Variants in NFIB observed in about 807,000 individuals in gnomAD.
NFIB encodes the protein nuclear factor 1 B-type.
In NFIB, 11 loss-of-function variants were observed where a neutral mutation model predicts 61.5. The ratio of observed to expected loss-of-function variants is 0.18; its 90% CI spans 0.11 to 0.30. The LOEUF (loss-of-function observed/expected upper bound fraction) is 0.30, where lower values mean the gene tolerates loss of function less well. Ranked by LOEUF, NFIB falls within the 10% of genes least tolerant of loss-of-function variation. The probability of loss-of-function intolerance (pLI) is 1.00; values close to 1 mark genes in which losing one functional copy is unlikely to be tolerated. For synonymous variants in NFIB, 260 were observed against 216.5 expected, an observed-to-expected ratio of 1.20 and a Z score of -1.76; for missense variants, 471 against 608.9, an observed-to-expected ratio of 0.77 and a Z score of 2.38.
intron 1 of NFIB, among the ~76,000 whole-genome samples, chr9:14,367,344 G>A (rs1354818972): frequency 6.6e-6 from 1 of 152,008 alleles, no homozygotes; most frequent in Non-Finnish European, 1.5e-5. Context: ...CAGATGAGAT[G>A]TCTCTTGAGC....
chr9:14,465,684 C>G, the NFIB span, among the ~76,000 whole-genome samples: 1 of 152,012 alleles, frequency 6.6e-6, no homozygotes, highest in Non-Finnish European at 1.5e-5. Context: ...CCAAGGTTCT[C>G]TGGTCCTGGG....
chr9:14,299,146 A>G (rs2059613205), intron 2 of NFIB, among the ~76,000 whole-genome samples: 1 of 152,264 alleles, frequency 6.6e-6, no homozygotes, highest in Admixed American at 6.5e-5. Context: ...CATGAATTAC[A>G]GAATATACCC....
At chr9:14,237,681 A>G (rs1196737448) in intron 2 of NFIB, among the ~76,000 whole-genome samples, 4 of 152,086 alleles carry the variant, frequency 2.6e-5, no homozygotes. Flanking sequence ...GGTCAGCAAC[A>G]TCTCTTGCCG....
At chr9:14,185,195 A>G (rs934143612) in intron 2 of NFIB, among the ~76,000 whole-genome samples, 3 of 152,322 alleles carry the variant, frequency 2.0e-5, no homozygotes, top group South Asian at 4.1e-4. Flanking sequence ...TCTTCCTAGG[A>G]AAGGTGGGCA....
At chr9:14,174,427 G>A (rs952260851) in intron 3 of NFIB, among the ~76,000 whole-genome samples, 1 of 152,036 alleles carries the variant, frequency 6.6e-6, no homozygotes, top group Non-Finnish European at 1.5e-5. Context: ...TGATCCTAAT[G>A]GACACAATAA....
At chr9:14,450,743 A>C in the NFIB span, among the ~76,000 whole-genome samples, 2 of 125,412 alleles carry the variant, frequency 1.6e-5, no homozygotes, top group South Asian at 3.1e-4. Context: ...CTTTTCTTTT[A>C]TAAGTGGCAA....
chr9:14,134,015 T>C (rs1010748459), intron 6 of NFIB, among the ~76,000 whole-genome samples: 3 of 152,190 alleles, frequency 2.0e-5, no homozygotes, highest in African/African-American at 7.2e-5. Flanking sequence ...CTCCATTTTC[T>C]TCACAAATGG....
At chr9:14,528,385 CAAAT>C in the NFIB span, among the ~76,000 whole-genome samples, 31 of 152,050 alleles carry the variant, frequency 2.0e-4, no homozygotes, top group South Asian at 2.1e-4. Context: ...TCTTTCAAGA[CAAAT>C]AAAAAGCACA....
chr9:14,131,949 A>C (rs1377333326), intron 6 of NFIB, among the ~76,000 whole-genome samples: 1 of 152,188 alleles, frequency 6.6e-6, no homozygotes, highest in African/African-American at 2.4e-5. Flanking sequence ...ATAGTAGAGC[A>C]ATATGTTAGC....
At chr9:14,311,677 G>A (rs899668056) in intron 1 of NFIB, among the ~76,000 whole-genome samples, 1 of 152,140 alleles carries the variant, frequency 6.6e-6, no homozygotes, top group African/African-American at 2.4e-5. Context: ...GATAAAACTA[G>A]TGACTTTTCA....
chr9:14,144,865 T>C (rs929394550), intron 6 of NFIB, among the ~76,000 whole-genome samples: 5 of 152,108 alleles, frequency 3.3e-5, no homozygotes, highest in Non-Finnish European at 7.4e-5. Context: ...GTCCCGGTTG[T>C]TGAATTCGCA....
intron 2 of NFIB, among the ~76,000 whole-genome samples, chr9:14,208,166 C>T (rs1354529044): frequency 2.0e-5 from 3 of 151,974 alleles, no homozygotes; most frequent in Admixed American, 2.0e-4. Context: ...TTTTAATGAC[C>T]TCAGGGTAGG....
chr9:14,296,189 T>A (rs1303301126), intron 2 of NFIB, among the ~76,000 whole-genome samples: 1 of 152,254 alleles, frequency 6.6e-6, no homozygotes, highest in East Asian at 1.9e-4. Context: ...TCCCTGGCAG[T>A]CTACATTATG....
At chr9:14,289,122 G>T (rs867196221) in intron 2 of NFIB, among the ~76,000 whole-genome samples, 1 of 139,912 alleles carries the variant, frequency 7.1e-6, no homozygotes, top group Non-Finnish European at 1.5e-5. Flanking sequence ...GTGTGTATAT[G>T]TATATATATA....
the NFIB span, among the ~76,000 whole-genome samples, chr9:14,486,388 G>A: frequency 4.6e-5 from 7 of 152,274 alleles, no homozygotes; most frequent in South Asian, 2.1e-4. Flanking sequence ...AGGAGGATTC[G>A]TTGTCAAGGA....
At chr9:14,316,881 T>A (rs2060555604), upstream of NFIB, among the ~76,000 whole-genome samples, 2 of 152,186 alleles carry the variant, frequency 1.3e-5, no homozygotes, top group Middle Eastern at 3.4e-3. Context: ...TAAAAGACAT[T>A]CCCCTTGGCA....
chr9:14,245,781 G>C (rs773873836), intron 2 of NFIB, among the ~76,000 whole-genome samples: 1 of 152,094 alleles, frequency 6.6e-6, no homozygotes, highest in Non-Finnish European at 1.5e-5. Context: ...GCTGAGGCAC[G>C]AGAATCGCTT....
intron 2 of NFIB, among the ~76,000 whole-genome samples, chr9:14,182,080 C>T (rs1028212669): frequency 1.3e-5 from 2 of 152,222 alleles, no homozygotes; most frequent in Admixed American, 6.5e-5. Context: ...GTTACCACAA[C>T]ATCCCACTTG....
chr9:14,398,869 A>C, exon 1 of NFIB: 3 of 421,936 alleles, frequency 7.1e-6, no homozygotes, highest in Non-Finnish European at 4.2e-6. Flanking sequence ...AGTTTACTCC[A>C]CTAACAGTCT....
Sources: allele counts gnomAD v4.1 joint callset (sites outside exome capture counted in the v4.1 genomes callset), GRCh38; gene constraint gnomAD v4.1.1; transcripts MANE v1.5; gene names NCBI Gene and HGNC (gene_info 2026-07-23, HGNC 2026-07-21).